The following PRDM5 variants were observed in gnomAD, a reference collection of about 807,000 sequenced individuals.
PRDM5 encodes PR domain zinc finger protein 5.
Under a neutral mutation model 81.2 loss-of-function variants are expected in PRDM5, and 56 were observed. The observed-to-expected ratio is 0.69, with a 90% CI of 0.56 to 0.86. The LOEUF is 0.86. Among genes scored for constraint, PRDM5 ranks in the 40% least tolerant of loss-of-function variants. PRDM5 has a pLI of 0.00. For missense variants in PRDM5, 697 were observed against 770.1 expected (o/e 0.91, Z 1.12); for synonymous variants, 267 against 256.4 (o/e 1.04, Z -0.39).
chr4:120,816,493 G>C lies in PRDM5; in HGVS notation c.825C>G (p.Ser275Arg). Residue 275 changes from serine (S) to arginine (R), a missense_variant, in exon 7 of 16, where the codon AGC becomes AGG. Coordinates refer to ENST00000264808, the MANE Select transcript of PRDM5 (RefSeq NM_018699.4). The part of the protein sequence containing the change: ...KADSCGKRLK[S>R]KDALKRHQEN... ...CCTGGTGTCTTTTCAGGGCATCCTT[G>C]CTCTTCAGCCTCTTTCCACAGCTGT... 6.2e-7 allele frequency: 1 copy of C among 1,614,136 alleles called. No homozygotes were observed. The highest frequency in any genetic ancestry group is 8.5e-7 in the Non-Finnish European group (1 of 1,180,030).
At position 120,816,438 on chromosome 4, in the gene PRDM5, C is replaced by T; in HGVS notation, c.865+15G>A. ...AGGAAGCCCCTTCGGAAACGACCCT[C>T]CAACGACTCCTCACCAGTGTGGACA... On this transcript the variant is annotated intron_variant, in intron 7 of 15. Coordinates refer to ENST00000264808, the MANE Select transcript of PRDM5 (RefSeq NM_018699.4). The T allele has an allele frequency of 6.2e-7, 1 of 1,614,178 alleles. No homozygotes were observed. The highest frequency in any genetic ancestry group is 1.1e-5 in the South Asian group (1 of 91,082).
intron 14 of PRDM5, among the ~76,000 whole-genome samples, chr4:120,714,883 G>A (rs1483883651): frequency 1.3e-5 from 2 of 152,116 alleles, no homozygotes; most frequent in Admixed American, 6.6e-5. Flanking sequence ...GGCAGATATT[G>A]TAAGTCTGAA....
intron 1 of PRDM5, among the ~76,000 whole-genome samples, chr4:120,909,516 C>T (rs1423732493): frequency 2.0e-5 from 3 of 152,142 alleles, no homozygotes; most frequent in East Asian, 1.9e-4. Flanking sequence ...ATGTATTTAG[C>T]CTTTATCAAC....
At chr4:120,740,526 G>A (rs147459721) in intron 14 of PRDM5, among the ~76,000 whole-genome samples, 118 of 152,168 alleles carry the variant, frequency 7.8e-4, no homozygotes, top group African/African-American at 2.7e-3. Context: ...AATGCCCCTG[G>A]TAGGCGTCCT....
At chr4:120,875,668 G>A (rs1252225204) in intron 2 of PRDM5, among the ~76,000 whole-genome samples, 1 of 152,226 alleles carries the variant, frequency 6.6e-6, no homozygotes, top group East Asian at 1.9e-4. Flanking sequence ...GGCATGGGGA[G>A]AGTATGATGT....
chr4:120,801,576 G>A (rs1752124988), intron 8 of PRDM5, among the ~76,000 whole-genome samples: 1 of 152,222 alleles, frequency 6.6e-6, no homozygotes, highest in African/African-American at 2.4e-5. Flanking sequence ...ACAAGAGTCT[G>A]ACTTATCTCC....
intron 10 of PRDM5, 146 bp downstream of exon 10, chr4:120,798,121 G>A: frequency 1.9e-6 from 1 of 518,202 alleles, no homozygotes; most frequent in East Asian, 3.3e-5. Flanking sequence ...GAGGCTGTGA[G>A]GGGTTATGGC....
chr4:120,844,881 G>T, intron 3 of PRDM5, among the ~76,000 whole-genome samples: 1 of 152,216 alleles, frequency 6.6e-6, no homozygotes, highest in Admixed American at 6.5e-5. Context: ...GAAATTAAAA[G>T]TGCTACTCCA....
chr4:120,781,263 A>G lies in PRDM5; in HGVS notation c.1323T>C (p.Phe441=). ...GAACATTTAATGTATCCTTCCTCTT[A>G]AAGGTAGCATCGCAGTGATGGCACT... The part of the protein sequence containing the change: ...TFKCHHCDAT[F]KRKDTLNVHV... The change falls in exon 12 of 16, where the codon TTT becomes TTC. Residue 441 remains phenylalanine (F), a synonymous_variant. Coordinates refer to ENST00000264808, the MANE Select transcript of PRDM5 (RefSeq NM_018699.4). The G allele has an allele frequency of 6.2e-7, 1 of 1,613,208 alleles. No individual in the cohort carries two copies. The highest frequency in any genetic ancestry group is 1.1e-5 in the South Asian group (1 of 91,060).
At chr4:120,922,386 C>A in intron 1 of PRDM5, 130 bp downstream of exon 1, 1 of 1,129,742 alleles carries the variant, frequency 8.9e-7, no homozygotes, top group Non-Finnish European at 1.1e-6. Context: ...CCCACGGACG[C>A]CTGGCCCGGC....
chr4:120,874,884 A>G (rs1347025111), intron 2 of PRDM5, among the ~76,000 whole-genome samples: 1 of 152,194 alleles, frequency 6.6e-6, no homozygotes, highest in African/African-American at 2.4e-5. Context: ...GCCTGGGACT[A>G]CAGCCACTGC....
chr4:120,816,609 ATGG>A (rs1754549434), intron 6 of PRDM5, 35 bp from the exon 7 acceptor site: 1 of 1,613,652 alleles, frequency 6.2e-7, no homozygotes, highest in African/African-American at 1.3e-5. Flanking sequence ...ACAGGAAGAA[ATGG>A]TGAAGACATA....
rs142411596 is a variant in PRDM5 at position 120,707,554 on chromosome 4, T to A, written c.1728+2755A>T. Among the ~76,000 whole-genome samples the A allele has an allele frequency of 3.3e-4, 50 of 150,306 alleles. 1 individual carries two copies. The highest frequency in any genetic ancestry group is 1.2e-3 in the African/African-American group (48 of 40,972). ...ATAAGAGCTAAAACTATAAGACTCTTAGAGAAAAAAAACAAAAACAAACAA... is the reference window on the plus strand; with the variant it reads ...ATAAGAGCTAAAACTATAAGACTCTAAGAGAAAAAAAACAAAAACAAACAA... On this transcript the variant is annotated intron_variant, in intron 15 of 15. Coordinates refer to ENST00000264808, the MANE Select transcript of PRDM5 (RefSeq NM_018699.4).
chr4:120,904,955 C>T (rs1443128461), intron 2 of PRDM5, among the ~76,000 whole-genome samples: 2 of 152,032 alleles, frequency 1.3e-5, no homozygotes, highest in African/African-American at 4.8e-5. Context: ...GCATTTTTAT[C>T]ATTTTATGAC....
rs574752064 is a variant in PRDM5, at chr4:120,839,254, G to A, written c.300+14164C>T. On this transcript the variant is annotated intron_variant, in intron 3 of 15. Transcript: ENST00000264808. ...TACAGCTCTTTTAGCCTCGCCATTC[G>A]GCGGGTCCCAAATTCTTGTCCTGTG... is the stretch of plus-strand genomic sequence containing the variant. 189 of 703,076 alleles carry A rather than the reference G, an allele frequency of 2.7e-4. 4 individuals are homozygous for A. The highest frequency in any genetic ancestry group is 2.1e-3 in the South Asian group (141 of 67,600). 43.6% of individuals were successfully genotyped at this position (703,076 alleles called of 1,614,324 possible). A position where few individuals can be genotyped will look rare whatever the true frequency, so the allele number is the denominator to read the frequency against.
chr4:120,843,355 A>G (rs758411618), intron 3 of PRDM5, among the ~76,000 whole-genome samples: 1 of 151,720 alleles, frequency 6.6e-6, no homozygotes, highest in Non-Finnish European at 1.5e-5. Flanking sequence ...TTAATTAATT[A>G]ATTTAATTTA....
chr4:120,728,703 C>G (rs73845472), intron 14 of PRDM5, among the ~76,000 whole-genome samples: 2 of 152,038 alleles, frequency 1.3e-5, no homozygotes, highest in Non-Finnish European at 2.9e-5. Flanking sequence ...CCTAGTGTTG[C>G]GTTAGAAGCA....
intron 14 of PRDM5, among the ~76,000 whole-genome samples, chr4:120,748,434 A>T (rs562961490): frequency 1.3e-5 from 2 of 152,258 alleles, no homozygotes; most frequent in African/African-American, 4.8e-5. Context: ...ACCTAAGCCT[A>T]GGAGCTCAAG....
At chr4:120,835,832 G>A (rs959275935) in intron 3 of PRDM5, among the ~76,000 whole-genome samples, 3 of 152,108 alleles carry the variant, frequency 2.0e-5, no homozygotes, top group African/African-American at 7.2e-5. Context: ...GAAAAAAAAA[G>A]TGACTCAGAG....
Sources: allele counts gnomAD v4.1 joint callset (sites outside exome capture counted in the v4.1 genomes callset), GRCh38; gene constraint gnomAD v4.1.1; transcripts MANE v1.5; gene names NCBI Gene and HGNC (gene_info 2026-07-23, HGNC 2026-07-21).